Variants in NRXN3 observed in about 807,000 individuals in gnomAD.
The protein encoded by NRXN3 is neurexin 3, also known as neurexin III.
Under a neutral mutation model 137.6 loss-of-function variants are expected in NRXN3, and 32 were observed. That is an observed-to-expected ratio of 0.23 (90% CI 0.18 to 0.31). NRXN3 has a LOEUF of 0.31. Among genes scored for constraint, NRXN3 ranks in the 10% least tolerant of loss-of-function variants. NRXN3 has a pLI of 1.00. For synonymous variants in NRXN3, 798 were observed against 784.5 expected (o/e 1.02, Z -0.29); for missense variants, 1,574 against 2,062.5 (o/e 0.76, Z 4.59).
chr14:78,676,150 G>T (rs1403074208), intron 6 of NRXN3, among the ~76,000 whole-genome samples: 2 of 152,086 alleles, frequency 1.3e-5, no homozygotes, highest in African/African-American at 4.8e-5. Context: ...GCCTCCAAGT[G>T]CTCAAGTAGA....
At chr14:79,514,341 A>G (rs984315631) in intron 16 of NRXN3, among the ~76,000 whole-genome samples, 5 of 152,078 alleles carry the variant, frequency 3.3e-5, no homozygotes, top group African/African-American at 7.2e-5. Context: ...CTAAAAGATT[A>G]TAGAATTTCG....
At position 79,171,543 on chromosome 14, in the gene NRXN3, C is replaced by T. The variant is rs548482946; in HGVS notation, c.3262+183402C>T. ...GTAACTGATCCTTACCCATCTATTT[C>T]AATACCATGCATAATGACACTATCC... is the stretch of plus-strand genomic sequence containing the variant. On this transcript the variant is annotated intron_variant, in intron 15 of 20. Coordinates refer to ENST00000335750, the MANE Select transcript of NRXN3 (RefSeq NM_001330195.2). Among the ~76,000 whole-genome samples, 5 of 152,212 alleles carry T rather than the reference C, an allele frequency of 3.3e-5. No individual in the cohort carries two copies. In the South Asian group the frequency reaches 8.3e-4, roughly 25 times the overall value.
chr14:79,259,775 A>C (rs1239312237), intron 15 of NRXN3, among the ~76,000 whole-genome samples: 1 of 150,994 alleles, frequency 6.6e-6, no homozygotes, highest in African/African-American at 2.4e-5. Context: ...TTCTGTTTCA[A>C]CTTTGAGTCA....
rs532198374 is a variant in NRXN3, at chr14:78,226,662, A to G, written c.-703-15729A>G. 3.3e-5 allele frequency among the ~76,000 whole-genome samples: 5 copies of G among 152,338 alleles called. No homozygotes were observed. In the South Asian group the frequency reaches 8.3e-4, roughly 25 times the overall value. ...GACCATAAACATTCCAGAATTATCC[A>G]GTGAGCCCAGAAGTTGAAGCCATGC... On this transcript the variant is annotated intron_variant, in intron 1 of 20. Transcript: ENST00000335750.
chr14:78,462,714 TAAATA>T (rs2094959633), intron 4 of NRXN3, among the ~76,000 whole-genome samples: 1 of 152,224 alleles, frequency 6.6e-6, no homozygotes, highest in Non-Finnish European at 1.5e-5. Context: ...TAGCTATAAT[TAAATA>T]TAATTCTATT....
At chr14:78,267,347 C>G (rs1248894628) in intron 2 of NRXN3, among the ~76,000 whole-genome samples, 1 of 152,072 alleles carries the variant, frequency 6.6e-6, no homozygotes, top group Non-Finnish European at 1.5e-5. Context: ...GTGAGCCCAG[C>G]CCTCAGGGGT....
intron 4 of NRXN3, among the ~76,000 whole-genome samples, chr14:78,444,794 C>T (rs577629263): frequency 6.6e-6 from 1 of 151,818 alleles, no homozygotes; most frequent in Admixed American, 6.5e-5. Context: ...TGGTGGATAC[C>T]TGTAATCCCA....
intron 15 of NRXN3, among the ~76,000 whole-genome samples, chr14:79,404,236 A>G (rs1228054004): frequency 1.3e-5 from 2 of 152,234 alleles, no homozygotes; most frequent in Non-Finnish European, 2.9e-5. Flanking sequence ...AGCCTCTATA[A>G]GGAACTTCAA....
chr14:78,199,742 C>CCA, intron 1 of NRXN3, among the ~76,000 whole-genome samples: 1 of 152,300 alleles, frequency 6.6e-6, no homozygotes, highest in South Asian at 2.1e-4. Flanking sequence ...AGTGAACAAA[C>CCA]CAGTCTCCCA....
At chr14:79,426,911 A>C (rs1215239256) in intron 15 of NRXN3, among the ~76,000 whole-genome samples, 1 of 152,106 alleles carries the variant, frequency 6.6e-6, no homozygotes, top group Non-Finnish European at 1.5e-5. Flanking sequence ...TGGGTGTTTT[A>C]TTCTTTAGCC....
chr14:79,757,068 G>C (rs1198678352), intron 19 of NRXN3, among the ~76,000 whole-genome samples: 1 of 152,078 alleles, frequency 6.6e-6, no homozygotes, highest in East Asian at 1.9e-4. Context: ...TCAGAACCAG[G>C]TGAGCTTGGT....
intron 15 of NRXN3, among the ~76,000 whole-genome samples, chr14:79,108,024 G>A (rs532410811): frequency 2.0e-4 from 30 of 152,220 alleles, no homozygotes; most frequent in African/African-American, 6.3e-4. Flanking sequence ...GTGGTCAGAG[G>A]CCATCTTAGG....
chr14:78,311,205 A>G (rs2077942310), intron 4 of NRXN3, among the ~76,000 whole-genome samples: 1 of 152,196 alleles, frequency 6.6e-6, no homozygotes, highest in Admixed American at 6.5e-5. Context: ...AATCAGAGGC[A>G]GTATCTGATT....
chr14:79,100,537 A>C (rs2051085935), intron 15 of NRXN3, among the ~76,000 whole-genome samples: 1 of 152,218 alleles, frequency 6.6e-6, no homozygotes, highest in Admixed American at 6.5e-5. Flanking sequence ...GATCCTAGAA[A>C]TGAGTTGTTA....
chr14:79,846,987 A>G (rs2099377566), intron 20 of NRXN3, among the ~76,000 whole-genome samples: 1 of 152,204 alleles, frequency 6.6e-6, no homozygotes, highest in Admixed American at 6.5e-5. Flanking sequence ...TGCTCAACTA[A>G]TAAGATTTTG....
chr14:79,535,827 T>A (rs2097205982), intron 16 of NRXN3, among the ~76,000 whole-genome samples: 1 of 152,178 alleles, frequency 6.6e-6, no homozygotes, highest in Admixed American at 6.5e-5. Flanking sequence ...CAACAGAGCC[T>A]TCTAAGGCAG....
chr14:79,572,003 CCAAAGT>C (rs1298931001), intron 16 of NRXN3, among the ~76,000 whole-genome samples: 3 of 152,048 alleles, frequency 2.0e-5, no homozygotes, highest in African/African-American at 7.2e-5. Context: ...AATTTTACTA[CCAAAGT>C]CAAATTTTGA....
chr14:79,825,206 C>CTTTTTTTTTTTTTTTTTTTTT (rs11449914), intron 20 of NRXN3, among the ~76,000 whole-genome samples: 1 of 117,820 alleles, frequency 8.5e-6, no homozygotes. Context: ...TCTTTGTGTG[C>CTTTTTTTTTTTTTTTTTTTTT]TTTTTTTTTT....
chr14:79,395,413 C>A (rs999766988), intron 15 of NRXN3, among the ~76,000 whole-genome samples: 9 of 152,042 alleles, frequency 5.9e-5, no homozygotes, highest in African/African-American at 2.2e-4. Context: ...AAAACAGTGC[C>A]TTTTCAAGAG....
Sources: allele counts gnomAD v4.1 joint callset (sites outside exome capture counted in the v4.1 genomes callset), GRCh38; gene constraint gnomAD v4.1.1; transcripts MANE v1.5; gene names NCBI Gene and HGNC (gene_info 2026-07-23, HGNC 2026-07-21).